Variants in OSTN observed in about 807,000 individuals in gnomAD.
The protein encoded by OSTN is osteocrin.
A neutral mutation model predicts 12.0 loss-of-function variants in OSTN; 9 were observed. The ratio of observed to expected loss-of-function variants is 0.75; its 90% CI spans 0.45 to 1.30. The LOEUF (loss-of-function observed/expected upper bound fraction) is 1.30, where lower values mean the gene tolerates loss of function less well. OSTN is among the 50% of genes most tolerant of loss of function. The pLI is 0.00. For missense variants in OSTN, 148 were observed against 152.3 expected (o/e 0.97, Z 0.15); for synonymous variants, 59 against 56.9 (o/e 1.04, Z -0.16).
intron 2 of OSTN, chr3:191,213,236 G>A (rs1375867543): frequency 6.6e-6 from 1 of 152,108 alleles, no homozygotes; most frequent in African/African-American, 2.4e-5. Flanking sequence ...CTACCAATAA[G>A]AAAATGTACA....
intron 1 of OSTN, among the ~76,000 whole-genome samples, chr3:191,204,204 T>A (rs1714218738): frequency 6.6e-6 from 1 of 152,204 alleles, no homozygotes. Flanking sequence ...TTTTAATTTT[T>A]TTTTAACGGG....
chr3:191,247,137 G>A (rs1715452136), intron 3 of OSTN, among the ~76,000 whole-genome samples: 1 of 152,124 alleles, frequency 6.6e-6, no homozygotes, highest in African/African-American at 2.4e-5. Context: ...TGTGGACAAA[G>A]ATAATTTAAA....
At chr3:191,253,012 A>G (rs1715594456) in intron 4 of OSTN, among the ~76,000 whole-genome samples, 1 of 152,234 alleles carries the variant, frequency 6.6e-6, no homozygotes, top group Non-Finnish European at 1.5e-5. Flanking sequence ...CCCAAATTTT[A>G]TAGACTCTTG....
chr3:191,246,309 T>G (rs1022666520), intron 3 of OSTN, among the ~76,000 whole-genome samples: 6 of 151,730 alleles, frequency 4.0e-5, no homozygotes, highest in Non-Finnish European at 8.8e-5. Context: ...CCCCATTTGC[T>G]TTCAAGAACT....
intron 3 of OSTN, among the ~76,000 whole-genome samples, chr3:191,227,864 G>A (rs140841975): frequency 0.013 from 2,054 of 152,190 alleles, 38 homozygotes; most frequent in African/African-American, 0.041. Context: ...ATGAATTTTT[G>A]TGGACATTTT....
At chr3:191,229,320 A>C (rs1362630587) in intron 3 of OSTN, among the ~76,000 whole-genome samples, 1 of 152,210 alleles carries the variant, frequency 6.6e-6, no homozygotes, top group African/African-American at 2.4e-5. Flanking sequence ...ACAATTGTGA[A>C]TGTGAAGAGT....
chr3:191,246,119 A>C (rs1211011878), intron 3 of OSTN, among the ~76,000 whole-genome samples: 3 of 150,138 alleles, frequency 2.0e-5, no homozygotes, highest in Non-Finnish European at 3.0e-5. Flanking sequence ...TTTTCATGAC[A>C]TCATCTATTT....
In OSTN at chr3:191,264,794, C is replaced by G. The variant is rs1052233394; in HGVS notation, c.*1941C>G. 1 of 152,136 alleles carries G rather than the reference C, an allele frequency of 6.6e-6. No homozygotes were observed. Among genetic ancestry groups the G allele is most frequent in the Non-Finnish European group, 1.5e-5 (1 of 67,990 alleles). 9.4% of individuals were successfully genotyped at this position (152,136 alleles called of 1,614,324 possible). Reference sequence around the variant, plus strand: ...CATGCTTTGACAAAAGGTATTAAAACCTACTTTAGCCTAAAACTTTCTCAT... The same window carrying G: ...CATGCTTTGACAAAAGGTATTAAAAGCTACTTTAGCCTAAAACTTTCTCAT... On this transcript the variant is annotated 3_prime_UTR_variant, in exon 5 of 5. Transcript: ENST00000682035.
At chr3:191,210,821 G>A (rs1714400523) in intron 1 of OSTN, among the ~76,000 whole-genome samples, 1 of 152,168 alleles carries the variant, frequency 6.6e-6, no homozygotes, top group African/African-American at 2.4e-5. Flanking sequence ...TTGTGTTCAT[G>A]CCTACTTTGT....
At chr3:191,247,395 A>G (rs1166986053) in intron 3 of OSTN, among the ~76,000 whole-genome samples, 6 of 152,246 alleles carry the variant, frequency 3.9e-5, no homozygotes, top group African/African-American at 1.4e-4. Context: ...AGGAATCTGA[A>G]GAAGGGAGGC....
chr3:191,224,670 A>G (rs2108536934), intron 3 of OSTN, among the ~76,000 whole-genome samples: 1 of 152,264 alleles, frequency 6.6e-6, no homozygotes, highest in East Asian at 1.9e-4. Flanking sequence ...AATATAGTAA[A>G]ACTAGAAATT....
intron 3 of OSTN, among the ~76,000 whole-genome samples, chr3:191,227,465 G>T (rs1393136722): frequency 6.6e-6 from 1 of 152,174 alleles, no homozygotes; most frequent in Non-Finnish European, 1.5e-5. Context: ...TTTTGGCCCT[G>T]CCTTCCTCCT....
chr3:191,199,542 T>C (rs1376186642), intron 1 of OSTN, among the ~76,000 whole-genome samples: 1 of 151,644 alleles, frequency 6.6e-6, no homozygotes, highest in East Asian at 2.0e-4. Flanking sequence ...TCTCTTCCAT[T>C]TCAAAACAAA....
intron 2 of OSTN, among the ~76,000 whole-genome samples, chr3:191,213,118 C>T (rs1714509207): frequency 6.6e-6 from 1 of 152,046 alleles, no homozygotes; most frequent in African/African-American, 2.4e-5. Flanking sequence ...ATCCGCCCGC[C>T]TCAACCTTCC....
chr3:191,206,831 G>T (rs540839920), intron 1 of OSTN, among the ~76,000 whole-genome samples: 2 of 152,290 alleles, frequency 1.3e-5, no homozygotes, highest in East Asian at 3.9e-4. Context: ...CTTTTTCTAA[G>T]ATAAAAAATT....
chr3:191,222,696 G>A (rs1162439722), intron 3 of OSTN, among the ~76,000 whole-genome samples: 1 of 152,260 alleles, frequency 6.6e-6, no homozygotes, highest in South Asian at 2.1e-4. Flanking sequence ...GGAGGGGCCA[G>A]GGATGGAATT....
Position 191,250,149 on chromosome 3 carries a change from A to G in OSTN, c.*12+16A>G, listed in dbSNP as rs1715527974. 6.5e-7 allele frequency: 1 copy of G among 1,531,682 alleles called. No individual in the cohort carries two copies. Among genetic ancestry groups the G allele is most frequent in the South Asian group, 1.1e-5 (1 of 89,438 alleles). 94.9% of individuals were successfully genotyped at this position (1,531,682 alleles called of 1,614,324 possible). On this transcript the variant is annotated intron_variant, in intron 4 of 4. Coordinates refer to ENST00000682035, the MANE Select transcript of OSTN (RefSeq NM_198184.2). ...GATTCCAATTGTGAGTACAATTTGA[A>G]TAAGTAACAGTATATGCAGGTATTT...
At chr3:191,259,840 T>G (rs1333720356) in intron 4 of OSTN, among the ~76,000 whole-genome samples, 2 of 150,132 alleles carry the variant, frequency 1.3e-5, no homozygotes, top group Non-Finnish European at 3.0e-5. Flanking sequence ...TATGACCCTA[T>G]TATGTATCCT....
intron 4 of OSTN, among the ~76,000 whole-genome samples, chr3:191,257,185 CAAAAAAAAAAAAAA>C (rs71175391): frequency 4.0e-4 from 29 of 72,196 alleles, no homozygotes; most frequent in Non-Finnish European, 6.6e-4. Flanking sequence ...AACCCTCTCT[CAAAAAAAAAAAAAA>C]AAAAAAAAAA....
Sources: gnomAD v4.1 joint callset for allele counts (sites outside exome capture counted in the v4.1 genomes callset) on GRCh38, gnomAD v4.1.1 for gene constraint, MANE v1.5 for transcripts, NCBI Gene and HGNC (gene_info 2026-07-23, HGNC 2026-07-21) for gene names.